The following CCDC88A variants were observed in gnomAD, a reference collection of about 807,000 sequenced individuals.
The protein encoded by CCDC88A is coiled-coil and HOOK domain protein 88A.
Under a neutral mutation model 234.3 loss-of-function variants are expected in CCDC88A, and 54 were observed. The ratio of observed to expected loss-of-function variants is 0.23; its 90% CI spans 0.19 to 0.29. The LOEUF (loss-of-function observed/expected upper bound fraction) is 0.29. CCDC88A is among the 10% of genes least tolerant of loss of function. The probability of loss-of-function intolerance (pLI) is 1.00; values close to 1 mark genes in which losing one functional copy is unlikely to be tolerated. For synonymous variants in CCDC88A, 753 were observed against 737.8 expected (o/e 1.02, Z -0.33); for missense variants, 1,832 against 2,123.4 (o/e 0.86, Z 2.70).
At chr2:55,395,243 G>T (rs988521740) in intron 2 of CCDC88A, among the ~76,000 whole-genome samples, 1 of 152,184 alleles carries the variant, frequency 6.6e-6, no homozygotes, top group Non-Finnish European at 1.5e-5. Context: ...CTTCTAGCTA[G>T]CAAGGATTTC....
chr2:55,397,785 C>T (rs1220160811), intron 2 of CCDC88A, among the ~76,000 whole-genome samples: 5 of 151,934 alleles, frequency 3.3e-5, no homozygotes, highest in African/African-American at 9.7e-5. Context: ...ATTCTACAGT[C>T]GCTGCATACA....
intron 2 of CCDC88A, among the ~76,000 whole-genome samples, chr2:55,390,177 C>G (rs1328901131): frequency 6.6e-6 from 1 of 151,610 alleles, no homozygotes; most frequent in East Asian, 1.9e-4. Context: ...TATCGTTTTA[C>G]TATTTTTGTG....
chr2:55,346,751 A>G (rs747511454), intron 9 of CCDC88A, among the ~76,000 whole-genome samples: 33 of 152,334 alleles, frequency 2.2e-4, no homozygotes, highest in Non-Finnish European at 4.0e-4. Context: ...AAAAAAGTAC[A>G]TACTTTAAAA....
chr2:55,295,765 C>G lies in CCDC88A; in HGVS notation c.5383G>C (p.Asp1795His). ...GGTAAAGTTGCATAAGGGTTACTAT[C>G]TTTTGATTGTCGTGACAGAGAAGAT... ...KESSLSRQSK[D>H]SNPYATLPRA... is the part of the protein sequence containing the mutation. Residue 1795 changes from aspartate to histidine, a missense_variant, in exon 31 of 33, where the codon GAT (aspartate) becomes CAT (histidine). Coordinates refer to ENST00000436346, the MANE Select transcript of CCDC88A (RefSeq NM_001365480.1). 1 of 1,614,192 alleles carries G rather than the reference C, an allele frequency of 6.2e-7. No individual in the cohort carries two copies. Among genetic ancestry groups the G allele is most frequent in the Non-Finnish European group, 8.5e-7 (1 of 1,180,038 alleles).
chr2:55,374,819 A>T lies in CCDC88A; in HGVS notation c.338T>A (p.Phe113Tyr). 1.9e-6 allele frequency: 3 copies of T among 1,595,608 alleles called. No homozygotes were observed. Among genetic ancestry groups the T allele is most frequent in the Non-Finnish European group, 2.6e-6 (3 of 1,164,308 alleles). Reference sequence around the variant, plus strand: ...AGCTTAATTTTAATACTTACCAGAAAAGGGATTTTTGCCAATGATTAAGAC... The same window carrying T: ...AGCTTAATTTTAATACTTACCAGAATAGGGATTTTTGCCAATGATTAAGAC... Reference protein sequence around the residue: ...PNVLIIGKNPFSEQGTEEVKK... With the variant: ...PNVLIIGKNPYSEQGTEEVKK... The change falls in exon 4 of 33, where the codon TTT becomes TAT. Residue 113 changes from phenylalanine (F) to tyrosine (Y), a missense_variant. Around this residue, in one of 6 missense-constraint regions of CCDC88A, gnomAD observed 84 missense variants for 80.9 expected, o/e 1.04. Coordinates refer to ENST00000436346, the MANE Select transcript of CCDC88A (RefSeq NM_001365480.1).
chr2:55,404,180 G>A (rs1679180250), intron 2 of CCDC88A: 1 of 152,160 alleles, frequency 6.6e-6, no homozygotes, highest in African/African-American at 2.4e-5. Flanking sequence ...TGAGATGAAA[G>A]CCCTTTAAAA....
chr2:55,405,792 C>T (rs6545490), intron 2 of CCDC88A: 137,947 of 152,208 alleles, frequency 0.91, 62,666 homozygotes, highest in Admixed American at 0.95. Flanking sequence ...GTGGAAAAAA[C>T]TGTCCTCCAT....
chr2:55,312,887 C>A, intron 22 of CCDC88A: 1 of 188,440 alleles, frequency 5.3e-6, no homozygotes, highest in South Asian at 1.5e-4. Context: ...AGTCCAAAAG[C>A]TAGATTCAAA....
At chr2:55,349,631 C>G in intron 8 of CCDC88A, 32 bp from the exon 9 acceptor site, 1 of 1,469,372 alleles carries the variant, frequency 6.8e-7, no homozygotes, top group Non-Finnish European at 9.4e-7. Context: ...ATTAAGTATA[C>G]TATTTTTGAA....
chr2:55,315,857 T>C, intron 22 of CCDC88A, 71 bp downstream of exon 22: 1 of 814,236 alleles, frequency 1.2e-6, no homozygotes, highest in Non-Finnish European at 1.9e-6. Flanking sequence ...CATTGTAATC[T>C]AGTCATTTAT....
In CCDC88A at chr2:55,362,154, T is replaced by C. The variant is rs780717192; in HGVS notation, c.627+154A>G. On this transcript the variant is annotated intron_variant, in intron 7 of 32. Transcript: ENST00000436346. ...GTTTACTAGCAATTTGGGGTTCTTA[T>C]ACATCCTTTCAGGTTCCTGTGTTCC... 139 of 529,446 alleles carry C rather than the reference T, an allele frequency of 2.6e-4. 1 individual carries two copies. Among genetic ancestry groups the C allele is most frequent in the Non-Finnish European group, 3.8e-4 (116 of 309,114 alleles). The allele number at this position is 529,446 out of a possible 1,614,324, so 32.8% of individuals were successfully genotyped here.
intron 2 of CCDC88A, among the ~76,000 whole-genome samples, chr2:55,396,008 G>A (rs1677475286): frequency 6.6e-6 from 1 of 151,992 alleles, no homozygotes; most frequent in Admixed American, 6.6e-5. Flanking sequence ...GCATGATCAA[G>A]AAGTCATAGT....
chr2:55,377,152 T>C (rs1483792652), intron 3 of CCDC88A, among the ~76,000 whole-genome samples: 1 of 150,248 alleles, frequency 6.7e-6, no homozygotes, highest in Non-Finnish European at 1.5e-5. Flanking sequence ...AATTTTTAGT[T>C]TCCTTGCCTT....
In CCDC88A at chr2:55,419,047, C is replaced by T; in HGVS notation, c.33G>A (p.Glu11=). 2.5e-6 allele frequency: 4 copies of T among 1,613,474 alleles called. No individual in the cohort carries two copies. Among genetic ancestry groups the T allele is most frequent in the Non-Finnish European group, 3.4e-6 (4 of 1,179,436 alleles). ...TGACCAAAGGGCTGGTCATGAACTG[C>T]TCCAGAAGGGGAGTAAAAATTTCGT... MENEIFTPLL[E]QFMTSPLVTW... is the part of the protein sequence containing the mutation. The change falls in exon 1 of 33, where the codon GAG becomes GAA. Residue 11 remains glutamate, a synonymous_variant. Coordinates refer to ENST00000436346, the MANE Select transcript of CCDC88A (RefSeq NM_001365480.1).
intron 2 of CCDC88A, among the ~76,000 whole-genome samples, chr2:55,413,834 C>T (rs1680908398): frequency 6.6e-6 from 1 of 151,972 alleles, no homozygotes; most frequent in Non-Finnish European, 1.5e-5. Flanking sequence ...TGCCTGTGGT[C>T]CTAGGTACTT....
At chr2:55,333,649 T>C (rs905284113) in intron 15 of CCDC88A, among the ~76,000 whole-genome samples, 22 of 152,154 alleles carry the variant, frequency 1.4e-4, no homozygotes, top group African/African-American at 2.4e-5. Context: ...GTAAAGATTA[T>C]GTGCATGTAT....
intron 2 of CCDC88A, among the ~76,000 whole-genome samples, chr2:55,393,001 C>A (rs565707997): frequency 6.6e-6 from 1 of 151,962 alleles, no homozygotes; most frequent in South Asian, 2.1e-4. Context: ...CTTCATTAAT[C>A]GAACATAGTG....
At chr2:55,405,102 C>T (rs1394541790) in intron 2 of CCDC88A, 1 of 152,218 alleles carries the variant, frequency 6.6e-6, no homozygotes, top group African/African-American at 2.4e-5. Flanking sequence ...TATTCCTCAA[C>T]TTGGTTCCTC....
At chr2:55,342,051 A>T (rs746999360) in intron 12 of CCDC88A, among the ~76,000 whole-genome samples, 5 of 152,192 alleles carry the variant, frequency 3.3e-5, no homozygotes, top group Non-Finnish European at 7.4e-5. Flanking sequence ...GAAACTTGAA[A>T]GCACAAGTAC....
Sources: allele counts gnomAD v4.1 joint callset (sites outside exome capture counted in the v4.1 genomes callset), GRCh38; gene constraint gnomAD v4.1.1; regional missense constraint gnomAD v4.1.1; transcripts MANE v1.5; gene names NCBI Gene and HGNC (gene_info 2026-07-23, HGNC 2026-07-21).